Variants in HDAC11 observed in about 807,000 individuals in gnomAD.
HDAC11 encodes histone deacetylase 11.
A neutral mutation model predicts 41.1 loss-of-function variants in HDAC11; 23 were observed. The observed-to-expected ratio is 0.56, with a 90% CI of 0.40 to 0.79. The LOEUF is 0.79. Among genes scored for constraint, HDAC11 ranks in the 30% least tolerant of loss-of-function variants. The probability of loss-of-function intolerance (pLI) is 0.00; values close to 1 mark genes in which losing one functional copy is unlikely to be tolerated. For missense variants in HDAC11, 402 were observed against 477.3 expected, an observed-to-expected ratio of 0.84 and a Z score of 1.47; for synonymous variants, 187 against 186.6, an observed-to-expected ratio of 1.00 and a Z score of -0.02.
rs1702118497 is a variant in HDAC11, at chr3:13,496,802, C to T, written c.319C>T (p.Gln107Ter). The T allele has an allele frequency of 6.2e-7, 1 of 1,607,070 alleles. No individual in the cohort carries two copies. The highest frequency in any genetic ancestry group is 1.1e-5 in the South Asian group (1 of 90,238). The change falls in exon 4 of 10, where the codon CAG becomes TAG. Residue 107 changes from glutamine to a stop codon, truncating the protein, a stop_gained. Transcript: ENST00000295757. LOFTEE classifies it high-confidence loss of function. ...PVIFLPNFLV[Q>*]RKVLRPLRTQ... ...TATCTTCCTCCCCAACTTCCTTGTGCAGAGGAAGGTGCTGAGGCCCCTTCG... is the reference window on the plus strand; with the variant it reads ...TATCTTCCTCCCCAACTTCCTTGTGTAGAGGAAGGTGCTGAGGCCCCTTCG...
chr3:13,491,122 G>T (rs1006400687), intron 3 of HDAC11, among the ~76,000 whole-genome samples: 11 of 145,624 alleles, frequency 7.6e-5, no homozygotes, highest in African/African-American at 2.3e-4. Context: ...GTATTCTTTA[G>T]GATCCTCTAT....
rs777989735 is a variant in HDAC11, at chr3:13,483,577, G to C, written c.252+13G>C. On this transcript the variant is annotated intron_variant, in intron 3 of 9. Coordinates refer to ENST00000295757, the MANE Select transcript of HDAC11 (RefSeq NM_024827.4). ...TAATGAGCTCAAGGTACAGGATGTC[G>C]GGCCTGGGGGGCTGCGGGCCTGGGG... The C allele has an allele frequency of 1.2e-6, 2 of 1,601,208 alleles. No homozygotes were observed. The highest frequency in any genetic ancestry group is 1.3e-5 in the African/African-American group (1 of 74,440).
chr3:13,490,033 G>A (rs995847342), intron 3 of HDAC11, among the ~76,000 whole-genome samples: 10 of 150,394 alleles, frequency 6.6e-5, no homozygotes, highest in African/African-American at 9.8e-5. Context: ...TCGCTTTGTC[G>A]CCTATGCTGG....
intron 3 of HDAC11, among the ~76,000 whole-genome samples, chr3:13,494,602 G>A (rs1177220014): frequency 3.3e-5 from 5 of 152,154 alleles, no homozygotes; most frequent in East Asian, 3.9e-4. Context: ...CCATGTTACC[G>A]CCAGAGGGCC....
intron 3 of HDAC11, 40 bp downstream of exon 3, chr3:13,483,604 A>G (rs772922198): frequency 2.1e-6 from 3 of 1,402,920 alleles, no homozygotes; most frequent in African/African-American, 1.4e-5. Context: ...GGCCTGGGGC[A>G]GGGGGCTGCT....
intron 3 of HDAC11, among the ~76,000 whole-genome samples, chr3:13,486,751 T>C (rs1701611667): frequency 6.6e-6 from 1 of 152,056 alleles, no homozygotes; most frequent in Non-Finnish European, 1.5e-5. Flanking sequence ...CTAATTTTTG[T>C]ATTTTTAGTA....
At chr3:13,496,056 T>C (rs1702081862) in intron 3 of HDAC11, among the ~76,000 whole-genome samples, 1 of 152,200 alleles carries the variant, frequency 6.6e-6, no homozygotes, top group Non-Finnish European at 1.5e-5. Context: ...AGGAGATGGC[T>C]TGGGGTTTGG....
chr3:13,486,312 G>T (rs1701570888), intron 3 of HDAC11, among the ~76,000 whole-genome samples: 1 of 147,550 alleles, frequency 6.8e-6, no homozygotes, highest in African/African-American at 2.5e-5. Context: ...GAAGTAGTCA[G>T]TCATTCAACA....
chr3:13,502,328 G>A lies in HDAC11; in HGVS notation c.552+395G>A, dbSNP rs1413200736. 1 of 216,782 alleles carries A rather than the reference G, an allele frequency of 4.6e-6. No individual in the cohort carries two copies. Among genetic ancestry groups the A allele is most frequent in the Non-Finnish European group, 9.1e-6 (1 of 109,416 alleles). 13.4% of individuals were successfully genotyped at this position (216,782 alleles called of 1,614,324 possible). A position where few individuals can be genotyped will look rare whatever the true frequency, so the allele number is the denominator to read the frequency against. On this transcript the variant is annotated intron_variant, in intron 7 of 9. Transcript: ENST00000295757. This position sits in a 1 kb window ranked among gnomAD's most constrained non-coding sequence, Gnocchi z 4.1. ...ATGCCCACACACATGGCTTGGCTCG[G>A]GCACCTGGGGTCACCATTTAAGAAC...
chr3:13,485,949 T>C (rs1397375759), intron 3 of HDAC11, among the ~76,000 whole-genome samples: 1 of 151,706 alleles, frequency 6.6e-6, no homozygotes, highest in Non-Finnish European at 1.5e-5. Flanking sequence ...AGGAGAAACA[T>C]GATGGTTTCT....
intron 4 of HDAC11, 43 bp downstream of exon 4, chr3:13,496,895 ACC>A: frequency 8.9e-7 from 1 of 1,129,284 alleles, no homozygotes; most frequent in Non-Finnish European, 1.3e-6. Flanking sequence ...GGGCCCCCAC[ACC>A]CCAGGGTCCT....
Position 13,502,960 on chromosome 3 carries a change from C to T in HDAC11, c.629C>T (p.Pro210Leu). 6.2e-7 allele frequency: 1 copy of T among 1,613,596 alleles called. No individual in the cohort carries two copies. The highest frequency in any genetic ancestry group is 8.5e-7 in the Non-Finnish European group (1 of 1,179,704). ...IMDVYNRHIYPGDRFAKQAIR... is the reference protein window; with the variant it reads ...IMDVYNRHIYLGDRFAKQAIR... ...GATGTCTACAACCGCCACATCTACC[C>T]AGGGGACCGCTTTGCCAAGCGTAAG... The change falls in exon 8 of 10, where the codon CCA becomes CTA. Residue 210 changes from proline (P) to leucine (L), a missense_variant. Pro to Leu is a moderately conservative substitution (Grantham distance 98). Coordinates refer to ENST00000295757, the MANE Select transcript of HDAC11 (RefSeq NM_024827.4). The surrounding 1 kb of genome is among the most constrained non-coding windows in gnomAD (Gnocchi z 4.1).
chr3:13,494,824 C>T (rs1237891804), intron 3 of HDAC11, among the ~76,000 whole-genome samples: 2 of 152,120 alleles, frequency 1.3e-5, no homozygotes, highest in African/African-American at 2.4e-5. Flanking sequence ...CAGAAGCCTC[C>T]CCTGGTGGCC....
At chr3:13,482,348 AAAC>A (rs1320645737) in intron 2 of HDAC11, among the ~76,000 whole-genome samples, 2 of 152,264 alleles carry the variant, frequency 1.3e-5, no homozygotes, top group Non-Finnish European at 1.5e-5. Context: ...AATGCAATGA[AAAC>A]AACAGTATAA....
intron 6 of HDAC11, 29 bp downstream of exon 6, chr3:13,500,818 C>T (rs1478702536): frequency 6.9e-7 from 1 of 1,456,838 alleles, no homozygotes; most frequent in Non-Finnish European, 9.3e-7. Flanking sequence ...GGGGTCTCGC[C>T]TCCAAGAGCC....
Position 13,502,655 on chromosome 3 carries a change from G to A in HDAC11, c.553-229G>A, listed in dbSNP as rs907188820. On this transcript the variant is annotated intron_variant, in intron 7 of 9. Coordinates refer to ENST00000295757, the MANE Select transcript of HDAC11 (RefSeq NM_024827.4). The surrounding 1 kb of genome is among the most constrained non-coding windows in gnomAD (Gnocchi z 4.1). ...CAGAGCGGGATTTCTTCCTCTGATA[G>A]GGAACCTAAGAGCACTGGGCTTGCT... is the stretch of plus-strand genomic sequence containing the variant. 1 of 462,398 alleles carries A rather than the reference G, an allele frequency of 2.2e-6. No homozygotes were observed. The highest frequency in any genetic ancestry group is 3.9e-6 in the Non-Finnish European group (1 of 254,638). 28.6% of individuals were successfully genotyped at this position (462,398 alleles called of 1,614,324 possible).
At chr3:13,487,204 C>A (rs1337542663) in intron 3 of HDAC11, among the ~76,000 whole-genome samples, 1 of 152,176 alleles carries the variant, frequency 6.6e-6, no homozygotes, top group African/African-American at 2.4e-5. Context: ...CCTAAGGCTG[C>A]AGCTCAGGAA....
At chr3:13,493,175 AC>A (rs759098412) in intron 3 of HDAC11, among the ~76,000 whole-genome samples, 7 of 152,138 alleles carry the variant, frequency 4.6e-5, no homozygotes, top group Non-Finnish European at 8.8e-5. Flanking sequence ...CACCTGCCCC[AC>A]CCACAGCTCC....
At chr3:13,487,085 C>A (rs1701630838) in intron 3 of HDAC11, among the ~76,000 whole-genome samples, 1 of 152,096 alleles carries the variant, frequency 6.6e-6, no homozygotes, top group Non-Finnish European at 1.5e-5. Context: ...ATATGTTGTT[C>A]CAGGGACCTT....
Sources: gnomAD v4.1 joint callset for allele counts (sites outside exome capture counted in the v4.1 genomes callset) on GRCh38, gnomAD v4.1.1 for gene constraint, Gnocchi (gnomAD v3.1) non-coding constraint, MANE v1.5 for transcripts, NCBI Gene and HGNC (gene_info 2026-07-23, HGNC 2026-07-21) for gene names.